ABCA1: variants seen among roughly 807,000 people sequenced by gnomAD.
ABCA1 encodes the protein ATP binding cassette subfamily A member 1.
Under a neutral mutation model 262.5 loss-of-function variants are expected in ABCA1, and 133 were observed. The observed-to-expected ratio is 0.51, with a 90% CI of 0.44 to 0.59. ABCA1 has a LOEUF of 0.59. ABCA1 is among the 20% of genes least tolerant of loss of function. ABCA1 has a pLI of 0.00. For missense variants in ABCA1, 2,452 were observed against 2,777.5 expected, an observed-to-expected ratio of 0.88 and a Z score of 2.63; for synonymous variants, 1,022 against 1,043.5, an observed-to-expected ratio of 0.98 and a Z score of 0.40.
intron 7 of ABCA1, among the ~76,000 whole-genome samples, chr9:104,858,210 A>C (rs1158315226): frequency 6.6e-6 from 1 of 152,140 alleles, no homozygotes; most frequent in African/African-American, 2.4e-5. Context: ...CTCTGTTTTC[A>C]AATGAGCTCT....
At position 104,793,207 on chromosome 9, in the gene ABCA1, G is replaced by A; in HGVS notation, c.5600C>T (p.Thr1867Ile). 1 of 1,614,106 alleles carries A rather than the reference G, an allele frequency of 6.2e-7. No individual in the cohort carries two copies. Among genetic ancestry groups the A allele is most frequent in the Non-Finnish European group, 8.5e-7 (1 of 1,180,010 alleles). The change falls in exon 41 of 50, where the codon ACT becomes ATT. Residue 1867 changes from threonine (T) to isoleucine (I), a missense_variant. This residue lies in a region of ABCA1 where 752 missense variants were observed against 944.5 expected (regional missense o/e 0.80). Coordinates refer to ENST00000374736, the MANE Select transcript of ABCA1 (RefSeq NM_005502.4). ...GAAGAATCTGTACTGGATCAGAACA[G>A]TAATGAGGAAGAACACCACCCCTTC... ...AVEGVVFFLI[T>I]VLIQYRFFIR...
chr9:104,822,169 A>T (rs530365800), intron 19 of ABCA1, among the ~76,000 whole-genome samples: 3 of 152,270 alleles, frequency 2.0e-5, no homozygotes, highest in Admixed American at 6.5e-5. Flanking sequence ...CTGCTTAGAG[A>T]CAGAGTTCCT....
rs547738950 is a variant in ABCA1, at chr9:104,818,783, G to T, written c.3342C>A (p.Ser1114=). Residue 1114 remains serine (S), a synonymous_variant, in exon 23 of 50, where the codon TCC becomes TCA. Transcript: ENST00000374736. ...ISHGKLCCVG[S]SLFLKNQLGT... ...CCAGCTGGTTCTTCAGAAACAGGGA[G>T]GAGCCCACACAGCACAGCTTCCCAT... The T allele has an allele frequency of 6.2e-7, 1 of 1,614,086 alleles. No homozygotes were observed. The highest frequency in any genetic ancestry group is 8.5e-7 in the Non-Finnish European group (1 of 1,180,040).
rs1829590633 is a variant in ABCA1, at chr9:104,793,293, A to G, written c.5514T>C (p.Asn1838=). 6.2e-7 allele frequency: 1 copy of G among 1,614,116 alleles called. No individual in the cohort carries two copies. The highest frequency in any genetic ancestry group is 1.7e-5 in the Admixed American group (1 of 60,018). The part of the protein sequence containing the change: ...MADALERFGE[N]RFVSPLSWDL... ...CCCAAGATAATGGTGACACAAAGCGATTCTCCCCTAGTAGACACAATGCAG... is the reference window on the plus strand; with the variant it reads ...CCCAAGATAATGGTGACACAAAGCGGTTCTCCCCTAGTAGACACAATGCAG... Residue 1838 remains asparagine, a synonymous_variant, in exon 41 of 50, where the codon AAT becomes AAC. Coordinates refer to ENST00000374736, the MANE Select transcript of ABCA1 (RefSeq NM_005502.4).
intron 7 of ABCA1, chr9:104,855,885 C>T: frequency 6.2e-7 from 1 of 1,612,830 alleles, no homozygotes. Context: ...TGGCTGGAAA[C>T]AGGGAAACAC....
intron 1 of ABCA1, among the ~76,000 whole-genome samples, chr9:104,909,770 T>C (rs1841390784): frequency 6.6e-6 from 1 of 151,958 alleles, no homozygotes; most frequent in Non-Finnish European, 1.5e-5. Context: ...ACATGCACAT[T>C]TCCAGGAGAG....
intron 6 of ABCA1, among the ~76,000 whole-genome samples, chr9:104,858,979 G>A (rs529841283): frequency 1.4e-4 from 21 of 152,306 alleles, no homozygotes; most frequent in Admixed American, 3.9e-4. Flanking sequence ...AGTCCAACTC[G>A]TTTTCTTAAG....
At chr9:104,831,852 G>A (rs777199111) in intron 12 of ABCA1, 25 bp from the exon 13 acceptor site, 3 of 1,611,792 alleles carry the variant, frequency 1.9e-6, no homozygotes, top group Non-Finnish European at 2.5e-6. Flanking sequence ...GCCTTCATGA[G>A]AACGTTGGCA....
intron 5 of ABCA1, 34 bp downstream of exon 5, chr9:104,883,005 A>G: frequency 6.4e-7 from 1 of 1,556,814 alleles, no homozygotes; most frequent in Non-Finnish European, 8.9e-7. Flanking sequence ...TCAATTTCCA[A>G]TTATAAACGG....
At chr9:104,909,405 G>A (rs903959348) in intron 1 of ABCA1, among the ~76,000 whole-genome samples, 1 of 152,146 alleles carries the variant, frequency 6.6e-6, no homozygotes, top group Non-Finnish European at 1.5e-5. Flanking sequence ...AGCAGAGTAA[G>A]GGGACAGAGA....
chr9:104,825,933 C>A (rs201783755), intron 16 of ABCA1, 46 bp from the exon 17 acceptor site: 70 of 1,595,512 alleles, frequency 4.4e-5, no homozygotes, highest in Non-Finnish European at 5.9e-5. Flanking sequence ...TGGTCAGTCT[C>A]ATTTTTCTAT....
chr9:104,912,280 T>C (rs762055092), intron 1 of ABCA1, among the ~76,000 whole-genome samples: 5 of 152,200 alleles, frequency 3.3e-5, no homozygotes, highest in Non-Finnish European at 7.3e-5. Flanking sequence ...ATGCCTGTAA[T>C]CCTAACACCT....
Position 104,840,386 on chromosome 9 carries a change from C to T in ABCA1, c.947G>A (p.Gly316Glu). Residue 316 changes from glycine to glutamate, a missense_variant, in exon 9 of 50, where the codon GGG (glycine) becomes GAG (glutamate). By Grantham distance (98) the Gly-to-Glu change is moderately conservative (BLOSUM62 -2). This residue lies in a region of ABCA1 where 1,032 missense variants were observed against 1,089.7 expected (regional missense o/e 0.95). Transcript: ENST00000374736. Reference protein sequence around the residue: ...RIVCGHPEGGGLKIKSLNWYE... With the variant: ...RIVCGHPEGGELKIKSLNWYE... Reference sequence around the variant, plus strand: ...CCAGTTGAGAGACTTGATCTTCAGCCCCCCTCCCTCGGGATGCCCGCAGAC... The same window carrying T: ...CCAGTTGAGAGACTTGATCTTCAGCTCCCCTCCCTCGGGATGCCCGCAGAC... 3 of 1,614,174 alleles carry T rather than the reference C, an allele frequency of 1.9e-6. No homozygotes were observed. Among genetic ancestry groups the T allele is most frequent in the Non-Finnish European group, 1.7e-6 (2 of 1,180,040 alleles).
rs2118943265 is a variant in ABCA1, at chr9:104,814,200, C to T, written c.3819G>A (p.Arg1273=). The change falls in exon 27 of 50, where the codon CGG becomes CGA. Residue 1273 remains arginine (R), a synonymous_variant. Coordinates refer to ENST00000374736, the MANE Select transcript of ABCA1 (RefSeq NM_005502.4). ...GACAGCTCTGCTTGTCCCCGAAGGC[C>T]CGCCTGTTTCGTCTTGCTGGCAAGG... is the stretch of plus-strand genomic sequence containing the variant. ...DGTLPARRNR[R]AFGDKQSCLR... is the part of the protein sequence containing the mutation. 1.2e-6 allele frequency: 2 copies of T among 1,614,226 alleles called. No individual in the cohort carries two copies. The highest frequency in any genetic ancestry group is 8.5e-7 in the Non-Finnish European group (1 of 1,180,034).
intron 25 of ABCA1, 77 bp from the exon 26 acceptor site, chr9:104,814,552 T>G: frequency 7.4e-7 from 1 of 1,354,290 alleles, no homozygotes; most frequent in Non-Finnish European, 1.1e-6. Flanking sequence ...ATTATTATAT[T>G]ACTGAGTGGC....
At chr9:104,912,878 A>T (rs1436279382) in intron 1 of ABCA1, among the ~76,000 whole-genome samples, 12 of 152,224 alleles carry the variant, frequency 7.9e-5, no homozygotes, top group Non-Finnish European at 2.9e-5. Context: ...AGGGATCTGA[A>T]GGGAAGGGAT....
intron 7 of ABCA1, among the ~76,000 whole-genome samples, chr9:104,853,501 C>T (rs1835561009): frequency 2.6e-5 from 4 of 152,224 alleles, no homozygotes; most frequent in African/African-American, 9.6e-5. Context: ...TTCCCAGACT[C>T]AGCCTTCAGC....
In ABCA1 at chr9:104,883,062, T is replaced by G. The variant is rs771194181; in HGVS notation, c.398A>C (p.Gln133Pro). The G allele has an allele frequency of 1.2e-6, 2 of 1,613,894 alleles. No individual in the cohort carries two copies. Among genetic ancestry groups the G allele is most frequent in the Non-Finnish European group, 8.5e-7 (1 of 1,179,946 alleles). ...KDMRKVLRTL[Q>P]QIKKSSSNLK... The stretch of plus-strand genomic sequence containing the variant: ...ACTTGAGCTGGATTTCTTGATCTGC[T>G]GTAATGTTCTCAGAACTTTGCGCAT... The change falls in exon 5 of 50, where the codon CAG becomes CCG. Residue 133 changes from glutamine to proline, a missense_variant. Physicochemically the swap from Gln to Pro is moderately conservative, Grantham distance 76. This residue lies in a region of ABCA1 where 1,032 missense variants were observed against 1,089.7 expected (regional missense o/e 0.95). Transcript: ENST00000374736.
intron 44 of ABCA1, 60 bp from the exon 45 acceptor site, chr9:104,788,627 A>G: frequency 3.8e-6 from 6 of 1,584,476 alleles, no homozygotes; most frequent in Non-Finnish European, 5.2e-6. Flanking sequence ...TGGTTAGACA[A>G]TCTGGCCTAA....
Sources: allele counts gnomAD v4.1 joint callset (sites outside exome capture counted in the v4.1 genomes callset), GRCh38; gene constraint gnomAD v4.1.1; regional missense constraint gnomAD v4.1.1; transcripts MANE v1.5; gene names NCBI Gene and HGNC (gene_info 2026-07-23, HGNC 2026-07-21).